Variants in VWA3B observed in about 807,000 individuals in gnomAD.
VWA3B encodes von Willebrand factor A domain-containing protein 3B.
VWA3B carries 138 observed loss-of-function variants against 158.3 expected under a neutral mutation model. The observed-to-expected ratio is 0.87, with a 90% confidence interval of 0.76 to 1.00. The LOEUF (loss-of-function observed/expected upper bound fraction) is 1.00. VWA3B is among the 50% of genes least tolerant of loss of function. VWA3B has a pLI of 0.00. For synonymous variants in VWA3B, 596 were observed against 587.3 expected (o/e 1.01, Z -0.21); for missense variants, 1,555 against 1,565.1 (o/e 0.99, Z 0.11).
In VWA3B at chr2:98,218,014, C is replaced by G. The variant is rs968555673; in HGVS notation, c.2005C>G (p.Pro669Ala). The change falls in exon 14 of 28, where the codon CCA (proline) becomes GCA (alanine). Residue 669 changes from proline to alanine, a missense_variant. Physicochemically the swap from Pro to Ala is conservative, Grantham distance 27 (BLOSUM62 -1). Coordinates refer to ENST00000477737, the MANE Select transcript of VWA3B (RefSeq NM_144992.5). ...YNFGCKDPTP[P>A]EAVQNEDLTL... ...TTTTGGTTGCAAGGATCCCACTCCC[C>G]CAGAGGCTGTTCAGGTAAGAGCTTG... 1 of 1,608,792 alleles carries G rather than the reference C, an allele frequency of 6.2e-7. No homozygotes were observed. The highest frequency in any genetic ancestry group is 1.3e-5 in the African/African-American group (1 of 74,550).
intron 7 of VWA3B, among the ~76,000 whole-genome samples, chr2:98,140,128 C>T (rs1308575172): frequency 1.3e-5 from 2 of 152,094 alleles, no homozygotes; most frequent in Non-Finnish European, 2.9e-5. Flanking sequence ...CGAACACATC[C>T]GAACATCAGA....
At chr2:98,122,057 G>C (rs1675011675) in intron 5 of VWA3B, 1 of 152,362 alleles carries the variant, frequency 6.6e-6, no homozygotes. Flanking sequence ...CATGAATTTT[G>C]ATAGGGACAT....
At chr2:98,267,671 G>A (rs1008442267) in intron 21 of VWA3B, among the ~76,000 whole-genome samples, 3 of 151,784 alleles carry the variant, frequency 2.0e-5, no homozygotes, top group East Asian at 1.9e-4. Flanking sequence ...CTAGCAGAAG[G>A]CAAGAAATAA....
In VWA3B at chr2:98,213,121, T is replaced by G. The variant is rs149984622; in HGVS notation, c.1836+1093T>G. Among the ~76,000 whole-genome samples, 782 of 152,128 alleles carry G rather than the reference T, an allele frequency of 5.1e-3. 4 individuals are homozygous for G. Among genetic ancestry groups the G allele is most frequent in the African/African-American group, 0.018 (738 of 41,504 alleles). ...TGTGTCTGGAAAGACAAGAAGGAATTTTTGGAACAGAAGACACTGTTGATG... is the reference window on the plus strand; with the variant it reads ...TGTGTCTGGAAAGACAAGAAGGAATGTTTGGAACAGAAGACACTGTTGATG... On this transcript the variant is annotated intron_variant, in intron 13 of 27. Coordinates refer to ENST00000477737, the MANE Select transcript of VWA3B (RefSeq NM_144992.5).
chr2:98,132,150 C>T (rs1675920382), intron 6 of VWA3B, among the ~76,000 whole-genome samples: 1 of 152,202 alleles, frequency 6.6e-6, no homozygotes, highest in Non-Finnish European at 1.5e-5. Flanking sequence ...AGCTGTGGTT[C>T]AGCTACCTAA....
chr2:98,100,025 A>G (rs769134130), intron 2 of VWA3B, among the ~76,000 whole-genome samples: 4 of 152,160 alleles, frequency 2.6e-5, no homozygotes, highest in African/African-American at 7.2e-5. Context: ...TAAAACAGCT[A>G]CTTTGAAAAT....
chr2:98,323,888 A>G, the VWA3B span, among the ~76,000 whole-genome samples: 1 of 152,226 alleles, frequency 6.6e-6, no homozygotes, highest in Non-Finnish European at 1.5e-5. Context: ...ATAAATTCTT[A>G]AGAAAGACCC....
downstream of VWA3B, among the ~76,000 whole-genome samples, chr2:98,316,673 C>T (rs1691094747): frequency 6.6e-6 from 1 of 150,910 alleles, no homozygotes; most frequent in South Asian, 2.1e-4. Context: ...AAAGTGTAAT[C>T]CCCAATGTTT....
chr2:98,173,808 A>C (rs1679790377), intron 8 of VWA3B, among the ~76,000 whole-genome samples: 1 of 152,158 alleles, frequency 6.6e-6, no homozygotes. Flanking sequence ...TTTACTAAAA[A>C]TACAAAAATT....
intron 2 of VWA3B, among the ~76,000 whole-genome samples, chr2:98,103,402 T>C: frequency 6.6e-6 from 1 of 151,976 alleles, no homozygotes; most frequent in Non-Finnish European, 1.5e-5. Flanking sequence ...ACCTTTCTTC[T>C]TTTCTAATAT....
chr2:98,179,314 T>TC (rs1275917488), intron 8 of VWA3B: 3 of 471,048 alleles, frequency 6.4e-6, no homozygotes, highest in African/African-American at 6.0e-5. Context: ...CTTGTCCCGC[T>TC]CAGGTAACAT....
chr2:98,115,867 T>G, intron 3 of VWA3B, 121 bp downstream of exon 3: 1 of 743,452 alleles, frequency 1.3e-6, no homozygotes, highest in South Asian at 1.9e-5. Context: ...AAGCCCTTAT[T>G]AGGCTGGGGG....
chr2:98,147,741 TGCACAAC>T (rs1452664024), intron 7 of VWA3B, among the ~76,000 whole-genome samples: 1 of 152,124 alleles, frequency 6.6e-6, no homozygotes, highest in Non-Finnish European at 1.5e-5. Flanking sequence ...AGGGTACATG[TGCACAAC>T]GTGCAGGTTT....
Position 98,312,430 on chromosome 2 carries a change from C to T in VWA3B, c.*81C>T. On this transcript the variant is annotated 3_prime_UTR_variant, in exon 28 of 28. Transcript: ENST00000477737. ...CCTCAGCGTTGACACTGAAACTGGCCCCTCCGCGGAGGTAAGGCCGCCCTC... is the reference window on the plus strand; with the variant it reads ...CCTCAGCGTTGACACTGAAACTGGCTCCTCCGCGGAGGTAAGGCCGCCCTC... The T allele has an allele frequency of 1.3e-6, 2 of 1,510,006 alleles. No individual in the cohort carries two copies. The highest frequency in any genetic ancestry group is 8.8e-7 in the Non-Finnish European group (1 of 1,130,172). 93.5% of individuals were successfully genotyped at this position (1,510,006 alleles called of 1,614,324 possible). A position where few individuals can be genotyped will look rare whatever the true frequency, so the allele number is the denominator to read the frequency against.
chr2:98,099,957 T>C, intron 2 of VWA3B, among the ~76,000 whole-genome samples: 1 of 152,178 alleles, frequency 6.6e-6, no homozygotes, highest in East Asian at 1.9e-4. Context: ...TAACTTATGG[T>C]TTTCCTTATT....
At chr2:98,288,707 C>T (rs1689310893) in intron 22 of VWA3B, among the ~76,000 whole-genome samples, 1 of 152,170 alleles carries the variant, frequency 6.6e-6, no homozygotes, top group South Asian at 2.1e-4. Flanking sequence ...TCTCATCCCT[C>T]CCCTCTTTGT....
intron 19 of VWA3B, among the ~76,000 whole-genome samples, chr2:98,240,261 T>G (rs1685988719): frequency 6.6e-6 from 1 of 152,208 alleles, no homozygotes; most frequent in Non-Finnish European, 1.5e-5. Flanking sequence ...TTTACTATTT[T>G]AAAAACTATT....
intron 23 of VWA3B, among the ~76,000 whole-genome samples, chr2:98,293,577 A>G (rs941228160): frequency 2.6e-5 from 4 of 152,190 alleles, no homozygotes; most frequent in African/African-American, 4.8e-5. Context: ...AGATTTGCCA[A>G]TTTTTAACAT....
chr2:98,107,971 T>G (rs1673808101), intron 2 of VWA3B, among the ~76,000 whole-genome samples: 1 of 151,948 alleles, frequency 6.6e-6, no homozygotes. Context: ...TGATTTGAGA[T>G]TTTATGTTTT....
Sources: allele counts gnomAD v4.1 joint callset (sites outside exome capture counted in the v4.1 genomes callset), GRCh38; gene constraint gnomAD v4.1.1; transcripts MANE v1.5; gene names NCBI Gene and HGNC (gene_info 2026-07-23, HGNC 2026-07-21).